Variants in COL28A1 observed in about 807,000 individuals in gnomAD.
COL28A1 encodes the protein collagen alpha-1(XXVIII) chain.
In COL28A1, 161 loss-of-function variants were observed where a neutral mutation model predicts 150.2. The observed-to-expected ratio is 1.07, with a 90% CI of 0.94 to 1.22. The LOEUF (loss-of-function observed/expected upper bound fraction) is 1.22, where lower values mean the gene tolerates loss of function less well. Ranked by LOEUF, COL28A1 falls within the 50% of genes most tolerant of loss-of-function variation. The pLI is 0.00. For synonymous variants in COL28A1, 552 were observed against 469.7 expected (o/e 1.18, Z -2.26); for missense variants, 1,617 against 1,388.3 (o/e 1.16, Z -2.62).
At chr7:7,466,499 T>C (rs1449360436) in intron 15 of COL28A1, among the ~76,000 whole-genome samples, 5 of 97,586 alleles carry the variant, frequency 5.1e-5, no homozygotes, top group Non-Finnish European at 9.3e-5. Context: ...CTGAAAGTGA[T>C]GTGGAGAATG....
intron 13 of COL28A1, among the ~76,000 whole-genome samples, chr7:7,479,154 G>A (rs1253850655): frequency 1.3e-5 from 2 of 152,200 alleles, no homozygotes; most frequent in African/African-American, 4.8e-5. Context: ...TGTCTACAGA[G>A]GTCCTTAAAC....
At position 7,373,256 on chromosome 7, in the gene COL28A1, C is replaced by G; in HGVS notation, c.2650G>C (p.Ala884Pro). Residue 884 changes from alanine to proline, a missense_variant, in exon 32 of 35, where the codon GCC (alanine) becomes CCC (proline). Coordinates refer to ENST00000399429, the MANE Select transcript of COL28A1 (RefSeq NM_001037763.3). This position sits in a 1 kb window ranked among gnomAD's most constrained non-coding sequence, Gnocchi z 4.1. ...GTYTATALQA[A>P]NDMFEDARPG... ...CTTGCATCTTCAAACATGTCGTTGG[C>G]TGCTTGCAGAGCAGTGGCTGTGTAT... 1 of 1,614,196 alleles carries G rather than the reference C, an allele frequency of 6.2e-7. No homozygotes were observed. Among genetic ancestry groups the G allele is most frequent in the Non-Finnish European group, 8.5e-7 (1 of 1,180,030 alleles).
Position 7,358,762 on chromosome 7 carries a change from T to A in COL28A1, c.3249A>T (p.Glu1083Asp). 6.2e-7 allele frequency: 1 copy of A among 1,613,992 alleles called. No homozygotes were observed. Residue 1083 changes from glutamate to aspartate, a missense_variant, in exon 35 of 35, where the codon GAA becomes GAT. Transcript: ENST00000399429. ...TGTCATAATACCATCGAACCACATATTCACCACAGTTTCCAGGCTTCAAGG... is the reference window on the plus strand; with the variant it reads ...TGTCATAATACCATCGAACCACATAATCACCACAGTTTCCAGGCTTCAAGG... ...LEALKPGNCG[E>D]YVVRWYYDKQ...
At chr7:7,395,454 A>C (rs1370432545) in intron 27 of COL28A1, among the ~76,000 whole-genome samples, 1 of 152,214 alleles carries the variant, frequency 6.6e-6, no homozygotes, top group Non-Finnish European at 1.5e-5. Flanking sequence ...AACTTTTGCA[A>C]AACGAAAAAT....
At chr7:7,475,343 A>C (rs1230092291) in intron 14 of COL28A1, among the ~76,000 whole-genome samples, 1 of 152,216 alleles carries the variant, frequency 6.6e-6, no homozygotes, top group Non-Finnish European at 1.5e-5. Flanking sequence ...AAGAACATTT[A>C]CAAATTAGCC....
chr7:7,359,826 A>C (rs1053174089), intron 34 of COL28A1, among the ~76,000 whole-genome samples: 4 of 152,188 alleles, frequency 2.6e-5, no homozygotes, highest in African/African-American at 9.7e-5. Context: ...CTGCCCTTAA[A>C]AACAAAACCA....
At chr7:7,445,593 A>G (rs560514632) in intron 18 of COL28A1, among the ~76,000 whole-genome samples, 2 of 152,366 alleles carry the variant, frequency 1.3e-5, no homozygotes, top group South Asian at 4.1e-4. Flanking sequence ...CAGTAATTCC[A>G]CTTGCTTTCG....
At chr7:7,514,280 C>T (rs1331721243) in intron 8 of COL28A1, among the ~76,000 whole-genome samples, 1 of 152,176 alleles carries the variant, frequency 6.6e-6, no homozygotes. Context: ...CTTTCCTCTT[C>T]ATAATGGCAC....
intron 15 of COL28A1, among the ~76,000 whole-genome samples, chr7:7,457,966 A>T (rs78404479): frequency 0.015 from 2,213 of 152,318 alleles, 22 homozygotes; most frequent in Non-Finnish European, 0.025. Context: ...TGTCTCTCGT[A>T]ATTGATCAAT....
At chr7:7,448,053 G>C (rs1786402798) in intron 18 of COL28A1, among the ~76,000 whole-genome samples, 1 of 152,140 alleles carries the variant, frequency 6.6e-6, no homozygotes. Flanking sequence ...GTGAAAGTGA[G>C]ACTCTATCTC....
At chr7:7,375,244 C>A (rs1224393956) in intron 31 of COL28A1, among the ~76,000 whole-genome samples, 1 of 152,156 alleles carries the variant, frequency 6.6e-6, no homozygotes, top group East Asian at 1.9e-4. Context: ...CCTTCACATG[C>A]CTTAACCAGC....
chr7:7,539,784 T>C (rs1402941634), upstream of COL28A1, among the ~76,000 whole-genome samples: 1 of 152,144 alleles, frequency 6.6e-6, no homozygotes, highest in African/African-American at 2.4e-5. Flanking sequence ...TAATAAACTT[T>C]ATGGTTTAGA....
At chr7:7,407,607 A>G (rs1783558419) in intron 27 of COL28A1, among the ~76,000 whole-genome samples, 1 of 152,114 alleles carries the variant, frequency 6.6e-6, no homozygotes, top group South Asian at 2.1e-4. Flanking sequence ...GAAGATATTA[A>G]GGAGGAAAAA....
intron 15 of COL28A1, among the ~76,000 whole-genome samples, chr7:7,461,324 C>T (rs1416852050): frequency 4.6e-5 from 7 of 152,192 alleles, no homozygotes; most frequent in Non-Finnish European, 8.8e-5. Context: ...GAAAAGCCCA[C>T]AGGGGGAAGG....
At chr7:7,473,780 C>G (rs1788631615) in intron 15 of COL28A1, among the ~76,000 whole-genome samples, 1 of 151,926 alleles carries the variant, frequency 6.6e-6, no homozygotes, top group Non-Finnish European at 1.5e-5. Flanking sequence ...AAACATGGAA[C>G]CAACCCAAAT....
chr7:7,452,401 A>G lies in COL28A1; in HGVS notation c.1441-14T>C, dbSNP rs747682025. On this transcript the variant is annotated splice_polypyrimidine_tract_variant and intron_variant, in intron 17 of 34. Transcript: ENST00000399429. Reference sequence around the variant, plus strand: ...GCCTACTTCTCCCTAGTAAGAAAAGAGTTTAATACAGCAGCAAAGTGAAAA... The same window carrying G: ...GCCTACTTCTCCCTAGTAAGAAAAGGGTTTAATACAGCAGCAAAGTGAAAA... 1.1e-5 allele frequency: 18 copies of G among 1,584,134 alleles called. No homozygotes were observed. In the African/African-American group the frequency reaches 1.8e-4, roughly 16 times the overall value.
At chr7:7,349,149 TA>T in the COL28A1 span, among the ~76,000 whole-genome samples, 1 of 152,180 alleles carries the variant, frequency 6.6e-6, no homozygotes, top group Non-Finnish European at 1.5e-5. Flanking sequence ...GTAGTCTATA[TA>T]GTTTAGAAAT....
intron 27 of COL28A1, among the ~76,000 whole-genome samples, chr7:7,398,871 T>C (rs1293983169): frequency 6.6e-6 from 1 of 152,202 alleles, no homozygotes; most frequent in Non-Finnish European, 1.5e-5. Flanking sequence ...TTTGTGTGTT[T>C]AGATGTCAGT....
chr7:7,415,264 C>T (rs909780534), intron 27 of COL28A1, among the ~76,000 whole-genome samples: 1 of 152,202 alleles, frequency 6.6e-6, no homozygotes, highest in Non-Finnish European at 1.5e-5. Context: ...GATTCAAATG[C>T]TCTTTGGAAA....
Sources: gnomAD v4.1 joint callset for allele counts (sites outside exome capture counted in the v4.1 genomes callset) on GRCh38, gnomAD v4.1.1 for gene constraint, Gnocchi (gnomAD v3.1) non-coding constraint, MANE v1.5 for transcripts, NCBI Gene and HGNC (gene_info 2026-07-23, HGNC 2026-07-21) for gene names.